Variants in GRM7 observed in about 807,000 individuals in gnomAD.
The protein encoded by GRM7 is glutamate metabotropic receptor 7, also known as metabotropic glutamate receptor 7.
A neutral mutation model predicts 84.5 loss-of-function variants in GRM7; 35 were observed. That is an observed-to-expected ratio of 0.41 (90% confidence interval 0.32 to 0.55). The LOEUF is 0.55. Among genes scored for constraint, GRM7 ranks in the 20% least tolerant of loss-of-function variants. GRM7 has a pLI of 0.19. For synonymous variants in GRM7, 487 were observed against 455.1 expected (o/e 1.07, Z -0.89); for missense variants, 1,003 against 1,194.6 (o/e 0.84, Z 2.36).
intron 1 of GRM7, among the ~76,000 whole-genome samples, chr3:7,035,249 T>C (rs1488609230): frequency 6.6e-6 from 1 of 152,156 alleles, no homozygotes; most frequent in Non-Finnish European, 1.5e-5. Context: ...GAAATGGCTG[T>C]GGCAAAAATG....
chr3:7,739,059 T>A (rs1702603224), intron 9 of GRM7, among the ~76,000 whole-genome samples: 1 of 152,190 alleles, frequency 6.6e-6, no homozygotes, highest in African/African-American at 2.4e-5. Flanking sequence ...TCTATTCTTA[T>A]TTACCTTTTT....
intron 9 of GRM7, among the ~76,000 whole-genome samples, chr3:7,699,231 C>G (rs1245511519): frequency 6.6e-6 from 1 of 152,080 alleles, no homozygotes; most frequent in Non-Finnish European, 1.5e-5. Flanking sequence ...AACTGACTAC[C>G]TAGTTTTCTG....
At chr3:7,158,928 T>G (rs1694538423) in intron 2 of GRM7, among the ~76,000 whole-genome samples, 1 of 152,178 alleles carries the variant, frequency 6.6e-6, no homozygotes, top group African/African-American at 2.4e-5. Context: ...AGATTATAAA[T>G]GTATATAATG....
intron 7 of GRM7, among the ~76,000 whole-genome samples, chr3:7,558,429 GGAAAA>G (rs764722663): frequency 3.3e-5 from 5 of 152,046 alleles, no homozygotes; most frequent in Non-Finnish European, 5.9e-5. Context: ...TATTCAAAAA[GGAAAA>G]GAAAAGACGG....
At chr3:7,354,064 C>A (rs781705376) in intron 4 of GRM7, among the ~76,000 whole-genome samples, 2 of 149,754 alleles carry the variant, frequency 1.3e-5, no homozygotes, top group Non-Finnish European at 3.0e-5. Context: ...GCTTATAGAC[C>A]CAGAATCCCT....
intron 7 of GRM7, among the ~76,000 whole-genome samples, chr3:7,466,200 T>C (rs1042661626): frequency 2.6e-5 from 4 of 152,088 alleles, no homozygotes; most frequent in Non-Finnish European, 4.4e-5. Context: ...TGATAGCTCA[T>C]GGAGATATTA....
rs539342715 is a variant in GRM7, at chr3:7,381,076, G to A, written c.1034-33947G>A. 2.6e-5 allele frequency among the ~76,000 whole-genome samples: 4 copies of A among 152,254 alleles called. No individual in the cohort carries two copies. In the East Asian group the frequency reaches 5.8e-4, roughly 22 times the overall value. Reference sequence around the variant, plus strand: ...AATTTATCATTCTTCTCTTAGTTTCGTCAGTAGAGGGCTCAAAGCCAGTAC... The same window carrying A: ...AATTTATCATTCTTCTCTTAGTTTCATCAGTAGAGGGCTCAAAGCCAGTAC... On this transcript the variant is annotated intron_variant, in intron 4 of 9. Coordinates refer to ENST00000357716, the MANE Select transcript of GRM7 (RefSeq NM_000844.4).
chr3:7,648,048 C>T (rs764852000), intron 8 of GRM7, among the ~76,000 whole-genome samples: 2 of 152,048 alleles, frequency 1.3e-5, no homozygotes, highest in Non-Finnish European at 2.9e-5. Flanking sequence ...TACAACAATG[C>T]CCCCAGTGCT....
intron 2 of GRM7, among the ~76,000 whole-genome samples, chr3:7,255,695 G>A (rs942935851): frequency 4.6e-5 from 7 of 152,258 alleles, no homozygotes; most frequent in East Asian, 3.9e-4. Flanking sequence ...AATTTCTAGC[G>A]GTAATAGCTT....
At chr3:7,334,724 A>G (rs1701337908) in intron 4 of GRM7, among the ~76,000 whole-genome samples, 1 of 152,176 alleles carries the variant, frequency 6.6e-6, no homozygotes. Flanking sequence ...TGGGTTAAAA[A>G]AAGATATTCC....
chr3:7,151,215 C>T lies in GRM7; in HGVS notation c.736+4547C>T, dbSNP rs1314422433. Among the ~76,000 whole-genome samples, 1 of 152,042 alleles carries T rather than the reference C, an allele frequency of 6.6e-6. No homozygotes were observed. The highest frequency in any genetic ancestry group is 6.6e-5 in the Admixed American group (1 of 15,242). On this transcript the variant is annotated intron_variant, in intron 2 of 9. Transcript: ENST00000357716. The surrounding 1 kb of genome is among the most constrained non-coding windows in gnomAD (Gnocchi z 4.5). ...TTAACTGTTATTAACTGTTATTCAG[C>T]CTTCAGTTTTTTAGACCTCAAGCTC...
At chr3:7,608,352 G>GTATATA (rs2125077045) in intron 8 of GRM7, among the ~76,000 whole-genome samples, 1 of 152,210 alleles carries the variant, frequency 6.6e-6, no homozygotes, top group South Asian at 2.1e-4. Context: ...CAGTATATAA[G>GTATATA]CATTCCTTTA....
chr3:7,228,147 C>T (rs1347931596), intron 2 of GRM7, among the ~76,000 whole-genome samples: 3 of 152,094 alleles, frequency 2.0e-5, no homozygotes, highest in Non-Finnish European at 4.4e-5. Context: ...ACCTTCAGAC[C>T]TGTGGGTAAG....
chr3:7,562,620 G>C (rs1294908616), intron 7 of GRM7, among the ~76,000 whole-genome samples: 1 of 152,022 alleles, frequency 6.6e-6, no homozygotes, highest in Non-Finnish European at 1.5e-5. Context: ...CAAAGTATTA[G>C]TTAAGCAACA....
chr3:6,968,295 TTTC>T (rs1475765235), intron 1 of GRM7, among the ~76,000 whole-genome samples: 2 of 152,190 alleles, frequency 1.3e-5, no homozygotes, highest in African/African-American at 4.8e-5. Flanking sequence ...TGTGTCGAAA[TTTC>T]TTCTTATTAT....
intron 4 of GRM7, among the ~76,000 whole-genome samples, chr3:7,340,853 A>G (rs1422676571): frequency 6.6e-6 from 1 of 152,110 alleles, no homozygotes; most frequent in Admixed American, 6.6e-5. Flanking sequence ...TTATCTTTGC[A>G]ATGTGTTCTA....
Position 7,348,434 on chromosome 3 carries a change from T to C in GRM7, c.1033+41782T>C, listed in dbSNP as rs564594056. ...ACCAGGAAAATTTCTTTTATTTTTC[T>C]CTCAAGTACCAGTTAAATGCTCATG... On this transcript the variant is annotated intron_variant, in intron 4 of 9. Transcript: ENST00000357716. Among the ~76,000 whole-genome samples the C allele has an allele frequency of 8.2e-4, 125 of 152,288 alleles. 1 individual carries two copies. Among genetic ancestry groups the C allele is most frequent in the African/African-American group, 2.9e-3 (122 of 41,568 alleles).
intron 2 of GRM7, among the ~76,000 whole-genome samples, chr3:7,176,541 T>C (rs894087555): frequency 6.6e-6 from 1 of 152,250 alleles, no homozygotes; most frequent in African/African-American, 2.4e-5. Flanking sequence ...TACATTTATC[T>C]GCAAAAACTG....
At chr3:7,284,710 G>A (rs1012143129) in intron 2 of GRM7, among the ~76,000 whole-genome samples, 16 of 151,786 alleles carry the variant, frequency 1.1e-4, no homozygotes, top group Non-Finnish European at 2.1e-4. Flanking sequence ...GCTTGGTCTT[G>A]GGCAAATCAT....
Sources: allele counts gnomAD v4.1 joint callset (sites outside exome capture counted in the v4.1 genomes callset), GRCh38; gene constraint gnomAD v4.1.1; non-coding constraint Gnocchi (gnomAD v3.1); transcripts MANE v1.5; gene names NCBI Gene and HGNC (gene_info 2026-07-23, HGNC 2026-07-21).